TRRAP: variants seen among roughly 807,000 people sequenced by gnomAD.
TRRAP encodes transformation/transcription domain associated protein.
Under a neutral mutation model 438.8 loss-of-function variants are expected in TRRAP, and 41 were observed. That is an observed-to-expected ratio of 0.09 (90% CI 0.07 to 0.12). The LOEUF (loss-of-function observed/expected upper bound fraction) is 0.12. Among genes scored for constraint, TRRAP ranks in the 10% least tolerant of loss-of-function variants. The pLI is 1.00. For missense variants in TRRAP, 3,122 were observed against 5,055.1 expected (o/e 0.62, Z 11.60); for synonymous variants, 1,994 against 1,962.9 (o/e 1.02, Z -0.42).
intron 3 of TRRAP, among the ~76,000 whole-genome samples, chr7:98,886,352 CTATA>C (rs1231196897): frequency 1.3e-5 from 2 of 148,932 alleles, no homozygotes; most frequent in East Asian, 2.0e-4. Context: ...ATATAGATAT[CTATA>C]TAGATAGAGA....
rs1554409488 is a variant in TRRAP at position 98,915,752 on chromosome 7, T to C, written c.2229T>C (p.Ser743=). The change falls in exon 19 of 73, where the codon TCT becomes TCC. Residue 743 remains serine, a synonymous_variant. Coordinates refer to ENST00000456197, the MANE Select transcript of TRRAP (RefSeq NM_001375524.1). The part of the protein sequence containing the change: ...KPHLHKIVNS[S]MELAQTAKEP... ...ACTTGCACAAGATTGTGAACAGCTC[T>C]ATGGAGCTCGCGCAGACTGCCAAGG... 3 of 1,614,120 alleles carry C rather than the reference T, an allele frequency of 1.9e-6. No homozygotes were observed. Among genetic ancestry groups the C allele is most frequent in the Non-Finnish European group, 2.5e-6 (3 of 1,179,988 alleles).
chr7:99,005,403 T>C lies in TRRAP; in HGVS notation c.10753+55T>C. ...ACACAGGCAGCTTCACAGGTGGGGATGAGAGCCACACCTCGTGGGGTGCAC... is the reference window on the plus strand; with the variant it reads ...ACACAGGCAGCTTCACAGGTGGGGACGAGAGCCACACCTCGTGGGGTGCAC... On this transcript the variant is annotated intron_variant, in intron 69 of 72. Transcript: ENST00000456197. This position sits in a 1 kb window ranked among gnomAD's most constrained non-coding sequence, Gnocchi z 5.1. 2.6e-6 allele frequency: 4 copies of C among 1,560,624 alleles called. No individual in the cohort carries two copies. Among genetic ancestry groups the C allele is most frequent in the Non-Finnish European group, 3.5e-6 (4 of 1,133,164 alleles).
chr7:98,965,833 C>T lies in TRRAP; in HGVS notation c.7114C>T (p.Arg2372Trp), dbSNP rs775214250. Residue 2372 changes from arginine to tryptophan, a missense_variant, in exon 49 of 73, where the codon CGG becomes TGG. Around this residue, in one of 24 missense-constraint regions of TRRAP, gnomAD observed 992 missense variants for 1,281.2 expected, o/e 0.77. Coordinates refer to ENST00000456197, the MANE Select transcript of TRRAP (RefSeq NM_001375524.1). Reference protein sequence around the residue: ...IEKSPDAKILRAVVKIVEEWV... With the variant: ...IEKSPDAKILWAVVKIVEEWV... Reference sequence around the variant, plus strand: ...AAAATCACCAGATGCCAAAATCCTCCGGGCTGTGGTCAAAATCGTGGAAGA... The same window carrying T: ...AAAATCACCAGATGCCAAAATCCTCTGGGCTGTGGTCAAAATCGTGGAAGA... 17 of 1,613,948 alleles carry T rather than the reference C, an allele frequency of 1.1e-5. No homozygotes were observed. Among genetic ancestry groups the T allele is most frequent in the East Asian group, 2.2e-5 (1 of 44,880 alleles).
intron 21 of TRRAP, among the ~76,000 whole-genome samples, chr7:98,922,519 T>A (rs1177969121): frequency 6.6e-6 from 1 of 152,148 alleles, no homozygotes; most frequent in Non-Finnish European, 1.5e-5. Flanking sequence ...CCCTGCTGAC[T>A]TTTCTGCTCC....
intron 23 of TRRAP, among the ~76,000 whole-genome samples, chr7:98,928,425 CAT>C (rs758253759): frequency 1.2e-4 from 18 of 152,186 alleles, no homozygotes; most frequent in Non-Finnish European, 7.3e-5. Context: ...CAGCAGAGCA[CAT>C]AGAATTTTCC....
intron 48 of TRRAP, 103 bp from the exon 49 acceptor site, chr7:98,965,593 G>A (rs1293576186): frequency 2.8e-5 from 42 of 1,502,180 alleles, no homozygotes; most frequent in Non-Finnish European, 3.7e-5. Context: ...AAACATTGAG[G>A]GGGAAAATGG....
intron 64 of TRRAP, 26 bp downstream of exon 64, chr7:98,990,645 C>G: frequency 6.3e-7 from 1 of 1,591,462 alleles, no homozygotes; most frequent in Non-Finnish European, 8.6e-7. Context: ...TGGCCTTGTT[C>G]ACGTGCACAA....
At chr7:98,938,189 G>T (rs1790638324) in intron 30 of TRRAP, among the ~76,000 whole-genome samples, 1 of 151,956 alleles carries the variant, frequency 6.6e-6, no homozygotes, top group Non-Finnish European at 1.5e-5. Flanking sequence ...AAGAAAATTA[G>T]CCAGGCTTAG....
rs1790193788 is a variant in TRRAP, at chr7:98,928,991, G to A, written c.3176-998G>A. On this transcript the variant is annotated intron_variant, in intron 23 of 72. Coordinates refer to ENST00000456197, the MANE Select transcript of TRRAP (RefSeq NM_001375524.1). ...CTTGCTCTGTCGCCCAGGCTGGAGT[G>A]CAGTGGTGCGATCTCAGCTCACTGC... is the stretch of plus-strand genomic sequence containing the variant. 2.0e-5 allele frequency among the ~76,000 whole-genome samples: 3 copies of A among 151,110 alleles called. No homozygotes were observed. The South Asian group carries it at 6.3e-4, about 32-fold the overall frequency.
intron 49 of TRRAP, 44 bp from the exon 50 acceptor site, chr7:98,966,997 G>A (rs1459586953): frequency 6.3e-7 from 1 of 1,580,966 alleles, no homozygotes; most frequent in Admixed American, 1.9e-5. Context: ...TAGAGCAGAT[G>A]GTTGAAATAC....
Position 98,953,317 on chromosome 7 carries a change from G to A in TRRAP, c.5614G>A (p.Ala1872Thr), listed in dbSNP as rs782359182. 1.2e-6 allele frequency: 2 copies of A among 1,613,764 alleles called. No homozygotes were observed. Among genetic ancestry groups the A allele is most frequent in the African/African-American group, 1.3e-5 (1 of 74,856 alleles). The change falls in exon 40 of 73, where the codon GCC (alanine) becomes ACC (threonine). Residue 1872 changes from alanine (A) to threonine (T), a missense_variant. This residue lies in a region of TRRAP where 3 missense variants were observed against 23.0 expected (regional missense o/e 0.13). Coordinates refer to ENST00000456197, the MANE Select transcript of TRRAP (RefSeq NM_001375524.1). ...NSKLRRLMTF[A>T]WPCLLSKACV... ...CAAGCTGCGCCGCCTCATGACCTTC[G>A]CCTGGCCCTGCCTGCTCTCCAAGGC... is the stretch of plus-strand genomic sequence containing the variant.
chr7:98,931,234 A>G (rs781879869), intron 25 of TRRAP, among the ~76,000 whole-genome samples, 171 bp from the exon 26 acceptor site: 2 of 152,234 alleles, frequency 1.3e-5, no homozygotes, highest in Non-Finnish European at 2.9e-5. Context: ...TGATTAGGTG[A>G]CTTAGGGACT....
intron 67 of TRRAP, among the ~76,000 whole-genome samples, chr7:99,003,052 C>T (rs537099369): frequency 1.3e-5 from 2 of 152,298 alleles, no homozygotes; most frequent in African/African-American, 2.4e-5. Context: ...GCCAGCATTC[C>T]ATTTGGGCTC....
At chr7:98,998,868 GTC>G (rs1296356816) in intron 67 of TRRAP, 1 of 354,196 alleles carries the variant, frequency 2.8e-6, no homozygotes, top group Non-Finnish European at 5.3e-6. Flanking sequence ...CGTTTTGTAA[GTC>G]TGTTAATTTC....
intron 30 of TRRAP, among the ~76,000 whole-genome samples, chr7:98,942,518 C>G (rs1790841531): frequency 6.6e-6 from 1 of 152,252 alleles, no homozygotes; most frequent in Admixed American, 6.5e-5. Context: ...TAGCTACACA[C>G]AGCAGGCACC....
In TRRAP at chr7:98,912,040, T is replaced by C; in HGVS notation, c.2026T>C (p.Leu676=). 1 of 1,613,058 alleles carries C rather than the reference T, an allele frequency of 6.2e-7. No homozygotes were observed. The highest frequency in any genetic ancestry group is 8.5e-7 in the Non-Finnish European group (1 of 1,179,574). Residue 676 remains leucine, a synonymous_variant, in exon 18 of 73, where the codon TTG becomes CTG. Coordinates refer to ENST00000456197, the MANE Select transcript of TRRAP (RefSeq NM_001375524.1). ...YALQIVANSF[L]ANPTTSALFA... ...TTGACAGATTGTTGCCAATTCCTTC[T>C]TGGCAAATCCTACTACCTCTGCTCT...
At position 98,958,028 on chromosome 7, in the gene TRRAP, C is replaced by T. The variant is rs1222084939; in HGVS notation, c.6279C>T (p.Ala2093=). The change falls in exon 44 of 73, where the codon GCC becomes GCT. Residue 2093 remains alanine (A), a synonymous_variant. Transcript: ENST00000456197. Reference sequence around the variant, plus strand: ...TACCTGGAGCAGACTCTCTCCTCGCCAAGCCCATTGACAAGCAGCACACAG... The same window carrying T: ...TACCTGGAGCAGACTCTCTCCTCGCTAAGCCCATTGACAAGCAGCACACAG... ...QSLPGADSLL[A]KPIDKQHTDT... The T allele has an allele frequency of 2.5e-6, 4 of 1,614,080 alleles. No homozygotes were observed. In the African/African-American group the frequency reaches 5.3e-5, roughly 22 times the overall value.
rs1554410648 is a variant in TRRAP, at chr7:98,921,927, G to A, written c.2797G>A (p.Ala933Thr). 1 of 1,614,250 alleles carries A rather than the reference G, an allele frequency of 6.2e-7. No homozygotes were observed. The highest frequency in any genetic ancestry group is 2.2e-5 in the East Asian group (1 of 44,884). ...CACTGTGGAGTTTTCCGACTGCAAA[G>A]CTTCTCTCCAGCTCCCCATGGAGAA... ...SITVEFSDCKASLQLPMEKAI... is the reference protein window; with the variant it reads ...SITVEFSDCKTSLQLPMEKAI... The change falls in exon 21 of 73, where the codon GCT becomes ACT. Residue 933 changes from alanine (A) to threonine (T), a missense_variant. Transcript: ENST00000456197.
chr7:98,960,065 C>T (rs1215250275), intron 45 of TRRAP, among the ~76,000 whole-genome samples: 1 of 152,034 alleles, frequency 6.6e-6, no homozygotes, highest in African/African-American at 2.4e-5. Context: ...TTTGTGGACT[C>T]GTTTCTAAAA....
Sources: allele counts gnomAD v4.1 joint callset (sites outside exome capture counted in the v4.1 genomes callset), GRCh38; gene constraint gnomAD v4.1.1; regional missense constraint gnomAD v4.1.1; non-coding constraint Gnocchi (gnomAD v3.1); transcripts MANE v1.5; gene names NCBI Gene and HGNC (gene_info 2026-07-23, HGNC 2026-07-21).